The following ZPBP variants were observed in gnomAD, a reference collection of about 807,000 sequenced individuals.
ZPBP encodes the protein zona pellucida-binding protein 1.
A neutral mutation model predicts 44.8 loss-of-function variants in ZPBP; 26 were observed. The observed-to-expected ratio is 0.58, with a 90% CI of 0.43 to 0.81. ZPBP has a LOEUF of 0.81. Among genes scored for constraint, ZPBP ranks in the 30% least tolerant of loss-of-function variants. The pLI is 0.00. For synonymous variants in ZPBP, 174 were observed against 153.2 expected (o/e 1.14, Z -1.00); for missense variants, 409 against 434.0 (o/e 0.94, Z 0.51).
chr7:49,963,297 TCACA>T (rs773944361), intron 7 of ZPBP, among the ~76,000 whole-genome samples: 156 of 151,830 alleles, frequency 1.0e-3, no homozygotes, highest in Non-Finnish European at 1.8e-3. Flanking sequence ...GTGTGTAAAA[TCACA>T]AAATTTCTGT....
chr7:49,848,950 C>G (rs1465171278), downstream of ZPBP, among the ~76,000 whole-genome samples: 2 of 152,186 alleles, frequency 1.3e-5, no homozygotes, highest in Non-Finnish European at 2.9e-5. Flanking sequence ...TATGATAGCA[C>G]AAAAAGTTAT....
intron 1 of ZPBP, chr7:50,092,719 A>T: frequency 5.6e-6 from 1 of 178,828 alleles, no homozygotes; most frequent in Non-Finnish European, 1.2e-5. Context: ...TGCCTATTTG[A>T]AAGACACTGA....
intron 7 of ZPBP, among the ~76,000 whole-genome samples, chr7:49,961,958 T>A (rs1795877830): frequency 6.6e-6 from 1 of 152,076 alleles, no homozygotes; most frequent in Non-Finnish European, 1.5e-5. Flanking sequence ...TGAAACATAA[T>A]ATTTATAAAG....
chr7:49,859,515 C>G (rs1790561367), intron 2 of ZPBP, among the ~76,000 whole-genome samples: 1 of 152,106 alleles, frequency 6.6e-6, no homozygotes, highest in African/African-American at 2.4e-5. Context: ...ACGTGGATAA[C>G]CACTTGTCTC....
chr7:49,993,439 A>C (rs1369722558), intron 6 of ZPBP, among the ~76,000 whole-genome samples: 3 of 152,202 alleles, frequency 2.0e-5, no homozygotes, highest in Non-Finnish European at 4.4e-5. Context: ...TAAATTAAAC[A>C]CAATTGATTG....
chr7:49,906,121 T>C (rs1239084138), intron 1 of ZPBP, among the ~76,000 whole-genome samples: 1 of 152,170 alleles, frequency 6.6e-6, no homozygotes, highest in Admixed American at 6.5e-5. Flanking sequence ...GGAGTAGCCA[T>C]TCTTTATTCC....
At chr7:49,923,733 A>G (rs554106036) in intron 1 of ZPBP, among the ~76,000 whole-genome samples, 1 of 152,262 alleles carries the variant, frequency 6.6e-6, no homozygotes, top group South Asian at 2.1e-4. Flanking sequence ...TGCCTGAAGA[A>G]TACTCTTTAA....
At position 49,853,255 on chromosome 7, in the gene ZPBP, C is replaced by A. The variant is rs542327161; in HGVS notation, n.510-2741G>T. Among the ~76,000 whole-genome samples, 463 of 152,364 alleles carry A rather than the reference C, an allele frequency of 3.0e-3. 6 individuals carry two copies. The highest frequency in any genetic ancestry group is 5.9e-3 in the Admixed American group (90 of 15,308). On this transcript the variant is annotated intron_variant and non_coding_transcript_variant, in intron 2 of 2. Coordinates refer to the ZPBP transcript ENST00000465922. ...GAGTGGGCATGTTCTGCATGGCAGA[C>A]CCTATCAGGTATGACTGTAGTCTCC...
intron 2 of ZPBP, among the ~76,000 whole-genome samples, chr7:49,857,206 G>C (rs1262817784): frequency 6.6e-6 from 1 of 151,870 alleles, no homozygotes; most frequent in Non-Finnish European, 1.5e-5. Context: ...CCAACCCCTG[G>C]CAACCACCAT....
intron 1 of ZPBP, among the ~76,000 whole-genome samples, chr7:49,910,571 A>AG (rs1224611674): frequency 2.3e-4 from 35 of 150,894 alleles, no homozygotes; most frequent in African/African-American, 8.6e-4. Context: ...TGAGATCTAC[A>AG]GGTATGAACC....
At chr7:50,020,928 A>G (rs1799064485) in intron 5 of ZPBP, among the ~76,000 whole-genome samples, 1 of 152,176 alleles carries the variant, frequency 6.6e-6, no homozygotes, top group African/African-American at 2.4e-5. Flanking sequence ...AAATATGTGT[A>G]TGTAACAAAA....
chr7:49,964,971 A>G (rs577912617), intron 7 of ZPBP, among the ~76,000 whole-genome samples: 55 of 152,244 alleles, frequency 3.6e-4, no homozygotes, highest in Non-Finnish European at 5.7e-4. Context: ...ATGTTCACAC[A>G]GGGCTGAGAA....
intron 2 of ZPBP, among the ~76,000 whole-genome samples, chr7:49,897,216 C>T (rs911639724): frequency 6.6e-6 from 1 of 152,130 alleles, no homozygotes; most frequent in Non-Finnish European, 1.5e-5. Context: ...TTTTTAAAAA[C>T]TCAAACTCAA....
chr7:50,069,940 C>T (rs1584167551), intron 3 of ZPBP, among the ~76,000 whole-genome samples: 2 of 152,124 alleles, frequency 1.3e-5, no homozygotes, highest in South Asian at 4.1e-4. Flanking sequence ...TATGCCTCCC[C>T]ACGTCACTCC....
At chr7:49,943,498 C>A (rs1351231204) in intron 7 of ZPBP, 15 of 437,456 alleles carry the variant, frequency 3.4e-5, no homozygotes, top group Middle Eastern at 8.1e-4. Flanking sequence ...GAACCCAACA[C>A]TCATCTGTTT....
chr7:49,979,805 T>A (rs1177640802), intron 7 of ZPBP, among the ~76,000 whole-genome samples: 1 of 136,058 alleles, frequency 7.3e-6, no homozygotes, highest in Non-Finnish European at 1.5e-5. Context: ...TTTATCCTTA[T>A]CTGTGTTCTG....
chr7:49,874,178 A>ACC (rs1791297878), intron 2 of ZPBP, among the ~76,000 whole-genome samples: 1 of 150,844 alleles, frequency 6.6e-6, no homozygotes, highest in Non-Finnish European at 1.5e-5. Context: ...ACATGCACAC[A>ACC]CCCACACACA....
At chr7:49,899,140 T>C (rs1295736091) in intron 2 of ZPBP, among the ~76,000 whole-genome samples, 2 of 152,018 alleles carry the variant, frequency 1.3e-5, no homozygotes, top group South Asian at 2.1e-4. Context: ...ACAAAGGATA[T>C]GTTCTACAAC....
At chr7:49,871,724 GA>G (rs1791154122) in intron 2 of ZPBP, among the ~76,000 whole-genome samples, 1 of 151,696 alleles carries the variant, frequency 6.6e-6, no homozygotes. Flanking sequence ...ATCAGGTAAG[GA>G]AAAAAATCAA....
Sources: allele counts gnomAD v4.1 joint callset (sites outside exome capture counted in the v4.1 genomes callset), GRCh38; gene constraint gnomAD v4.1.1; transcripts MANE v1.5; gene names NCBI Gene and HGNC (gene_info 2026-07-23, HGNC 2026-07-21).